PCLO: variants seen among roughly 807,000 people sequenced by gnomAD.
PCLO encodes piccolo presynaptic cytomatrix protein.
Under a neutral mutation model 427.5 loss-of-function variants are expected in PCLO, and 82 were observed. The ratio of observed to expected loss-of-function variants is 0.19; its 90% CI spans 0.16 to 0.23. PCLO has a LOEUF of 0.23. Among genes scored for constraint, PCLO ranks in the 10% least tolerant of loss-of-function variants. The pLI, the probability that PCLO is intolerant of heterozygous loss-of-function variation, is 1.00. For missense variants in PCLO, 6,239 were observed against 6,115.9 expected, an observed-to-expected ratio of 1.02 and a Z score of -0.67; for synonymous variants, 2,357 against 2,155.4, an observed-to-expected ratio of 1.09 and a Z score of -2.59.
chr7:82,997,509 T>C (rs1370657571), intron 3 of PCLO, among the ~76,000 whole-genome samples: 1 of 152,032 alleles, frequency 6.6e-6, no homozygotes, highest in Non-Finnish European at 1.5e-5. Flanking sequence ...AGTAACTGAT[T>C]AGTAACAACA....
At chr7:82,844,082 T>G (rs1028303538) in intron 13 of PCLO, among the ~76,000 whole-genome samples, 1 of 152,172 alleles carries the variant, frequency 6.6e-6, no homozygotes, top group African/African-American at 2.4e-5. Context: ...GATGGTTAAT[T>G]GCTTAATTTA....
intron 6 of PCLO, among the ~76,000 whole-genome samples, chr7:82,931,260 A>G (rs1237516841): frequency 6.6e-6 from 1 of 152,186 alleles, no homozygotes; most frequent in Non-Finnish European, 1.5e-5. Flanking sequence ...CATGGCATAT[A>G]AGATTTGAAT....
chr7:82,995,654 T>C (rs928243808), intron 3 of PCLO, among the ~76,000 whole-genome samples: 4 of 152,010 alleles, frequency 2.6e-5, no homozygotes, highest in African/African-American at 7.2e-5. Context: ...TGAAAGCAGA[T>C]GGTCTTTGAT....
At chr7:83,023,301 AT>A (rs1032882386) in intron 3 of PCLO, among the ~76,000 whole-genome samples, 1 of 152,226 alleles carries the variant, frequency 6.6e-6, no homozygotes, top group Non-Finnish European at 1.5e-5. Flanking sequence ...AAAGTCAAAC[AT>A]TACAGAACTA....
At chr7:82,944,510 G>C (rs571283309) in intron 6 of PCLO, among the ~76,000 whole-genome samples, 1 of 152,016 alleles carries the variant, frequency 6.6e-6, no homozygotes, top group South Asian at 2.1e-4. Context: ...GCAAAATGGA[G>C]GAAAATAAAG....
chr7:82,978,851 CACACAA>C (rs1262978149), intron 3 of PCLO, among the ~76,000 whole-genome samples: 14 of 91,270 alleles, frequency 1.5e-4, no homozygotes, highest in East Asian at 7.8e-4. Context: ...CACACACACA[CACACAA>C]ACACACACAC....
At chr7:82,958,724 G>A (rs572096937) in intron 4 of PCLO, among the ~76,000 whole-genome samples, 9 of 152,118 alleles carry the variant, frequency 5.9e-5, no homozygotes, top group African/African-American at 1.4e-4. Context: ...ATAGCAGGAC[G>A]GTTGATGAGC....
intron 2 of PCLO, among the ~76,000 whole-genome samples, chr7:83,152,725 T>G (rs573357586): frequency 6.6e-6 from 1 of 152,280 alleles, no homozygotes; most frequent in African/African-American, 2.4e-5. Flanking sequence ...CCCCATGAAG[T>G]TCTCCTTAAT....
chr7:82,866,564 G>A (rs1584072734), intron 10 of PCLO, among the ~76,000 whole-genome samples: 1 of 151,652 alleles, frequency 6.6e-6, no homozygotes, highest in Admixed American at 6.6e-5. Context: ...CTACGATTTG[G>A]GGAATGAGTA....
At chr7:83,021,796 G>A (rs558459523) in intron 3 of PCLO, among the ~76,000 whole-genome samples, 10 of 152,046 alleles carry the variant, frequency 6.6e-5, no homozygotes, top group South Asian at 2.1e-4. Flanking sequence ...AGTTCAATAC[G>A]GAAGCTAAAT....
intron 3 of PCLO, among the ~76,000 whole-genome samples, chr7:83,064,806 A>G (rs1057032870): frequency 1.3e-5 from 2 of 152,022 alleles, no homozygotes; most frequent in African/African-American, 4.8e-5. Flanking sequence ...GTGGACATTC[A>G]TGCTCTCTCC....
intron 3 of PCLO, among the ~76,000 whole-genome samples, chr7:83,095,887 A>G (rs1439239523): frequency 2.0e-5 from 3 of 151,414 alleles, no homozygotes; most frequent in African/African-American, 7.3e-5. Flanking sequence ...CTTGAAAACT[A>G]TGTAGACTCT....
intron 9 of PCLO, among the ~76,000 whole-genome samples, chr7:82,900,338 A>G (rs1009129911): frequency 6.6e-6 from 1 of 151,724 alleles, no homozygotes; most frequent in Non-Finnish European, 1.5e-5. Context: ...ATCAGTGCTT[A>G]AAAAAGAAAA....
At chr7:82,784,712 A>T (rs895959676) in intron 22 of PCLO, among the ~76,000 whole-genome samples, 1 of 152,216 alleles carries the variant, frequency 6.6e-6, no homozygotes, top group Non-Finnish European at 1.5e-5. Flanking sequence ...GTTTACAAAA[A>T]GGTATATCTG....
In PCLO at chr7:82,966,365, T is replaced by C; in HGVS notation, c.3423A>G (p.Thr1141=). The C allele has an allele frequency of 6.2e-7, 1 of 1,613,964 alleles. No homozygotes were observed. ...CTGCTGTTTTCTGAGATGATGATTC[T>C]GTAGGAACAGGCATAGGAGATGCTT... The part of the protein sequence containing the change: ...GPKASPMPVP[T]ESSSQKTAVP... The change falls in exon 4 of 25, where the codon ACA becomes ACG. Residue 1141 remains threonine (T), a synonymous_variant. Transcript: ENST00000333891.
At chr7:83,136,378 A>G (rs1368034803) in intron 2 of PCLO, among the ~76,000 whole-genome samples, 1 of 152,138 alleles carries the variant, frequency 6.6e-6, no homozygotes, top group Non-Finnish European at 1.5e-5. Context: ...AACATGTTAG[A>G]TATCATAAAT....
rs144547356 is a variant in PCLO, at chr7:82,934,356, C to T, written c.11112+15120G>A. On this transcript the variant is annotated intron_variant, in intron 6 of 24. Transcript: ENST00000333891. Reference sequence around the variant, plus strand: ...ATTAATTAAACTGTGTATGGATCCACTCACCTAGGCTTCATTTTATACCTC... The same window carrying T: ...ATTAATTAAACTGTGTATGGATCCATTCACCTAGGCTTCATTTTATACCTC... 2.1e-3 allele frequency among the ~76,000 whole-genome samples: 314 copies of T among 151,908 alleles called. 4 individuals carry two copies. The highest frequency in any genetic ancestry group is 0.017 in the East Asian group (90 of 5,172).
At chr7:82,879,552 GTA>G in intron 9 of PCLO, 90 bp from the exon 10 acceptor site, 2 of 865,458 alleles carry the variant, frequency 2.3e-6, no homozygotes, top group Non-Finnish European at 3.5e-6. Context: ...AGTAGGTCTG[GTA>G]TCCAGAAGCT....
intron 22 of PCLO, among the ~76,000 whole-genome samples, chr7:82,775,211 T>A (rs1408744338): frequency 6.6e-6 from 1 of 152,182 alleles, no homozygotes; most frequent in Non-Finnish European, 1.5e-5. Context: ...ATGGGCAGGT[T>A]TTTTTGTGGT....
Sources: allele counts gnomAD v4.1 joint callset (sites outside exome capture counted in the v4.1 genomes callset), GRCh38; gene constraint gnomAD v4.1.1; transcripts MANE v1.5; gene names NCBI Gene and HGNC (gene_info 2026-07-23, HGNC 2026-07-21).